PID1: variants seen among roughly 807,000 people sequenced by gnomAD.
PID1 encodes phosphotyrosine interaction domain containing 1.
PID1 carries 10 observed loss-of-function variants against 19.1 expected under a neutral mutation model. The observed-to-expected ratio is 0.52, with a 90% CI of 0.32 to 0.89. PID1 has a LOEUF of 0.89. PID1 is among the 40% of genes least tolerant of loss of function. The pLI is 0.03. For missense variants in PID1, 248 were observed against 285.3 expected (o/e 0.87, Z 0.94); for synonymous variants, 130 against 116.0 (o/e 1.12, Z -0.78).
chr2:229,096,691 T>C (rs1383796251), intron 2 of PID1, among the ~76,000 whole-genome samples: 1 of 152,214 alleles, frequency 6.6e-6, no homozygotes, highest in East Asian at 1.9e-4. Context: ...GGGTCCTACA[T>C]ACTCAGAGCT....
intron 1 of PID1, among the ~76,000 whole-genome samples, chr2:229,215,026 T>C (rs966073638): frequency 1.2e-4 from 19 of 152,212 alleles, no homozygotes; most frequent in Admixed American, 1.0e-3. Flanking sequence ...TAAATCATGA[T>C]ACAATTTTAC....
intron 2 of PID1, among the ~76,000 whole-genome samples, chr2:229,037,645 C>A (rs1435325685): frequency 6.6e-6 from 1 of 152,152 alleles, no homozygotes; most frequent in Non-Finnish European, 1.5e-5. Context: ...AAAAACGAGA[C>A]CACATTGAAA....
chr2:229,056,199 A>G (rs1264006478), intron 2 of PID1, among the ~76,000 whole-genome samples: 1 of 152,186 alleles, frequency 6.6e-6, no homozygotes. Context: ...TATTAACAAG[A>G]GTATAAAATC....
intron 1 of PID1, among the ~76,000 whole-genome samples, chr2:229,269,026 A>T (rs1690665875): frequency 6.6e-6 from 1 of 150,682 alleles, no homozygotes; most frequent in South Asian, 2.1e-4. Context: ...GATATAAAAA[A>T]ATTTTTCCGC....
chr2:229,160,359 G>C (rs1294352376), intron 1 of PID1, among the ~76,000 whole-genome samples: 1 of 110,722 alleles, frequency 9.0e-6, no homozygotes, highest in Non-Finnish European at 2.0e-5. Flanking sequence ...CAGATAAACA[G>C]AAAAAGAAAA....
At chr2:229,031,414 G>C (rs1331652633) in intron 2 of PID1, among the ~76,000 whole-genome samples, 1 of 151,652 alleles carries the variant, frequency 6.6e-6, no homozygotes, top group Non-Finnish European at 1.5e-5. Flanking sequence ...AAAATTAGCT[G>C]GGTGTGGTGG....
intron 2 of PID1, among the ~76,000 whole-genome samples, chr2:229,114,305 C>T (rs774911942): frequency 8.6e-5 from 13 of 151,796 alleles, no homozygotes; most frequent in Non-Finnish European, 1.8e-4. Context: ...TTCAGGGATA[C>T]TTCTGTTCTA....
intron 2 of PID1, among the ~76,000 whole-genome samples, chr2:229,036,666 T>G (rs1274821908): frequency 6.6e-6 from 1 of 152,128 alleles, no homozygotes; most frequent in Non-Finnish European, 1.5e-5. Flanking sequence ...GAGAACTGCT[T>G]GAACCTGGGA....
At chr2:229,168,662 G>C (rs961093967) in intron 1 of PID1, among the ~76,000 whole-genome samples, 2 of 152,054 alleles carry the variant, frequency 1.3e-5, no homozygotes, top group African/African-American at 2.4e-5. Flanking sequence ...TTCCATATCT[G>C]AGTCTACTCA....
chr2:229,189,730 G>A (rs1250738716), intron 1 of PID1, among the ~76,000 whole-genome samples: 1 of 152,122 alleles, frequency 6.6e-6, no homozygotes, highest in African/African-American at 2.4e-5. Flanking sequence ...ATGGCTCATA[G>A]TTGACTGTTG....
At chr2:229,190,752 T>G (rs1691243576) in intron 1 of PID1, among the ~76,000 whole-genome samples, 1 of 151,986 alleles carries the variant, frequency 6.6e-6, no homozygotes, top group Non-Finnish European at 1.5e-5. Flanking sequence ...TTTCTATTGT[T>G]TTTTGTTTGT....
intron 2 of PID1, among the ~76,000 whole-genome samples, chr2:229,053,099 T>C (rs897153015): frequency 6.6e-6 from 1 of 152,198 alleles, no homozygotes; most frequent in Non-Finnish European, 1.5e-5. Flanking sequence ...TAACCACTTA[T>C]AGGTAGAAGG....
At chr2:229,104,141 C>T (rs1178630498) in intron 2 of PID1, among the ~76,000 whole-genome samples, 1 of 152,118 alleles carries the variant, frequency 6.6e-6, no homozygotes, top group East Asian at 1.9e-4. Flanking sequence ...AAGTCGGTCT[C>T]GGTTTATAAC....
At chr2:229,154,268 A>AC (rs1358576748) in intron 2 of PID1, among the ~76,000 whole-genome samples, 1 of 146,726 alleles carries the variant, frequency 6.8e-6, no homozygotes, top group South Asian at 2.2e-4. Flanking sequence ...TTTTCCCCCC[A>AC]CCCCCAGCGC....
chr2:229,227,998 T>G, intron 1 of PID1: 1 of 455,854 alleles, frequency 2.2e-6, no homozygotes, highest in Non-Finnish European at 4.4e-6. Context: ...TCACAAGAGG[T>G]CCTGAATCGA....
intron 1 of PID1, among the ~76,000 whole-genome samples, chr2:229,222,536 G>A (rs1691993377): frequency 6.6e-6 from 1 of 152,142 alleles, no homozygotes; most frequent in Non-Finnish European, 1.5e-5. Flanking sequence ...AGGGTGCCCA[G>A]ATGTTTGGTT....
rs1691193525 is a variant in PID1, at chr2:229,188,839, T to C, written c.31-32875A>G. Among the ~76,000 whole-genome samples the C allele has an allele frequency of 3.3e-5, 5 of 152,108 alleles. 1 individual carries two copies. In the South Asian group the frequency reaches 1.0e-3, roughly 32 times the overall value. ...ATTTTTAGATCCTTACTCTACAGCA[T>C]AAGATGATTATGTGAACTAGCTGCT... is the stretch of plus-strand genomic sequence containing the variant. On this transcript the variant is annotated intron_variant, in intron 1 of 2. Coordinates refer to ENST00000392055, the MANE Select transcript of PID1 (RefSeq NM_001100818.2).
Position 229,079,613 on chromosome 2 carries a change from G to A in PID1, c.178-53505C>T, listed in dbSNP as rs77637258. 9.8e-3 allele frequency among the ~76,000 whole-genome samples: 1,494 copies of A among 152,334 alleles called. 22 individuals are homozygous for A. Among genetic ancestry groups the A allele is most frequent in the African/African-American group, 0.033 (1,388 of 41,582 alleles). ...ACTCAAGACGTGCCAGGGAAGTGAA[G>A]TACTACAAGTTCTTTTCTGTCCTGT... On this transcript the variant is annotated intron_variant, in intron 2 of 2. Coordinates refer to ENST00000392055, the MANE Select transcript of PID1 (RefSeq NM_001100818.2).
chr2:229,233,586 G>A (rs536407319), intron 1 of PID1, among the ~76,000 whole-genome samples: 9 of 151,886 alleles, frequency 5.9e-5, no homozygotes, highest in Non-Finnish European at 1.2e-4. Context: ...CCACCTCCCG[G>A]GTTCAAGCGA....
Sources: allele counts gnomAD v4.1 joint callset (sites outside exome capture counted in the v4.1 genomes callset), GRCh38; gene constraint gnomAD v4.1.1; transcripts MANE v1.5; gene names NCBI Gene and HGNC (gene_info 2026-07-23, HGNC 2026-07-21).